The following PCDH15 variants were observed in gnomAD, a reference collection of about 807,000 sequenced individuals.
The protein encoded by PCDH15 is protocadherin related 15.
PCDH15 carries 129 observed loss-of-function variants against 178.5 expected under a neutral mutation model. The ratio of observed to expected loss-of-function variants is 0.72; its 90% CI spans 0.63 to 0.84. The LOEUF (loss-of-function observed/expected upper bound fraction) is 0.84, where lower values mean the gene tolerates loss of function less well. Among genes scored for constraint, PCDH15 ranks in the 40% least tolerant of loss-of-function variants. PCDH15 has a pLI of 0.00. For missense variants in PCDH15, 2,230 were observed against 2,099.9 expected (o/e 1.06, Z -1.21); for synonymous variants, 800 against 732.0 (o/e 1.09, Z -1.50).
intron 2 of PCDH15, among the ~76,000 whole-genome samples, chr10:54,954,709 GCTCTGGT>G (rs1838437193): frequency 6.6e-6 from 1 of 151,096 alleles, no homozygotes; most frequent in Non-Finnish European, 1.5e-5. Flanking sequence ...CCAATTTTTA[GCTCTGGT>G]AGGATTTTAT....
At chr10:54,014,077 GA>G (rs372902964) in intron 20 of PCDH15, among the ~76,000 whole-genome samples, 5 of 151,762 alleles carry the variant, frequency 3.3e-5, no homozygotes, top group African/African-American at 1.2e-4. Context: ...CTGACTGAAT[GA>G]AAAAAGACAT....
chr10:55,149,939 G>A (rs1258775309), intron 2 of PCDH15, among the ~76,000 whole-genome samples: 1 of 151,836 alleles, frequency 6.6e-6, no homozygotes, highest in South Asian at 2.1e-4. Context: ...CTGAAAATTG[G>A]GAGCATTCTC....
rs34155640 is a variant in PCDH15, at chr10:55,253,606, GT to G, written c.-156+65992del. On this transcript the variant is annotated intron_variant, in intron 1 of 5. Transcript: ENST00000458638. ...GTGCATTTTAAGTGAACCATAATAA[GT>G]TTTTTTTTTCTTTTTTGTTCTAGGA... Among the ~76,000 whole-genome samples the G allele has an allele frequency of 9.0e-4, 135 of 150,520 alleles. 2 individuals are homozygous for G. The South Asian group carries it at 0.024, about 26-fold the overall frequency.
intron 2 of PCDH15, among the ~76,000 whole-genome samples, chr10:55,134,417 T>C (rs1838135771): frequency 6.6e-6 from 1 of 152,312 alleles, no homozygotes; most frequent in Admixed American, 6.5e-5. Context: ...TAATATTGAC[T>C]CCTTATTATA....
chr10:53,840,791 T>C (rs1315109505), intron 28 of PCDH15, among the ~76,000 whole-genome samples: 1 of 152,190 alleles, frequency 6.6e-6, no homozygotes, highest in African/African-American at 2.4e-5. Context: ...ATGCCAAATA[T>C]GCTGTACAAA....
At chr10:55,237,849 A>G (rs1841425994) in intron 1 of PCDH15, among the ~76,000 whole-genome samples, 1 of 152,150 alleles carries the variant, frequency 6.6e-6, no homozygotes, top group African/African-American at 2.4e-5. Context: ...ATGGAACATA[A>G]CAACACATTA....
At chr10:54,956,039 A>G (rs1433677318) in intron 2 of PCDH15, among the ~76,000 whole-genome samples, 1 of 151,334 alleles carries the variant, frequency 6.6e-6, no homozygotes, top group African/African-American at 2.4e-5. Flanking sequence ...GAAATGTATG[A>G]AAGTTCAGAA....
chr10:54,534,226 A>C (rs2084242082), intron 2 of PCDH15, among the ~76,000 whole-genome samples: 1 of 152,180 alleles, frequency 6.6e-6, no homozygotes, highest in Admixed American at 6.5e-5. Context: ...TATAGTAAAT[A>C]AACCCTCAGC....
chr10:55,507,185 C>G (rs577759447), intron 2 of PCDH15, among the ~76,000 whole-genome samples: 5 of 151,638 alleles, frequency 3.3e-5, no homozygotes, highest in South Asian at 2.1e-4. Context: ...GAAAAAAGCG[C>G]ATGCAAAGCA....
At chr10:54,659,556 C>G (rs1277330233) in intron 2 of PCDH15, among the ~76,000 whole-genome samples, 1 of 151,754 alleles carries the variant, frequency 6.6e-6, no homozygotes, top group East Asian at 1.9e-4. Context: ...AGTTCAAGAC[C>G]CACAAGGCCA....
chr10:54,262,277 C>G (rs2057367679), intron 8 of PCDH15, among the ~76,000 whole-genome samples: 1 of 152,116 alleles, frequency 6.6e-6, no homozygotes, highest in African/African-American at 2.4e-5. Flanking sequence ...TTCCTGCTAT[C>G]TGCCAGGCTG....
At chr10:54,125,065 T>C (rs1242285931) in intron 15 of PCDH15, among the ~76,000 whole-genome samples, 12 of 152,132 alleles carry the variant, frequency 7.9e-5, no homozygotes, top group Admixed American at 7.9e-4. Flanking sequence ...GAAGAATGGA[T>C]AAAGATTAAA....
At position 55,191,562 on chromosome 10, in the gene PCDH15, C is replaced by G. The variant is rs376912786; in HGVS notation, c.-155-24911G>C. On this transcript the variant is annotated intron_variant, in intron 1 of 5. Transcript: ENST00000458638. ...AATTCAAATCTAGAGGTATGGCTTA[C>G]TCATGTAAAATTATTTAATCTCTTT... 3.4e-4 allele frequency among the ~76,000 whole-genome samples: 52 copies of G among 151,974 alleles called. 1 individual carries two copies. Among genetic ancestry groups the G allele is most frequent in the African/African-American group, 1.3e-3 (52 of 41,460 alleles).
At chr10:54,709,529 C>T (rs1480548872) in intron 1 of PCDH15, among the ~76,000 whole-genome samples, 1 of 146,518 alleles carries the variant, frequency 6.8e-6, no homozygotes, top group African/African-American at 2.5e-5. Context: ...GACAGGGGGT[C>T]TTTAGTATAT....
chr10:53,825,886 T>A (rs1269329310), intron 32 of PCDH15, among the ~76,000 whole-genome samples: 3 of 151,502 alleles, frequency 2.0e-5, no homozygotes, highest in African/African-American at 7.2e-5. Flanking sequence ...CTACAATTGT[T>A]CAAGTAAAAA....
Position 55,179,172 on chromosome 10 carries a change from C to T in PCDH15, c.-155-12521G>A, listed in dbSNP as rs562683446. On this transcript the variant is annotated intron_variant, in intron 1 of 5. Coordinates refer to the PCDH15 transcript ENST00000458638. The stretch of plus-strand genomic sequence containing the variant: ...ATGATGGCTCCCTTTTTACTGGGGA[C>T]CCTTAGATAGGCCTCTGAGAGATAT... Among the ~76,000 whole-genome samples the T allele has an allele frequency of 2.0e-5, 3 of 152,144 alleles. No individual in the cohort carries two copies. The East Asian group carries it at 5.8e-4, about 30-fold the overall frequency.
intron 10 of PCDH15, among the ~76,000 whole-genome samples, chr10:54,199,238 A>G (rs957946382): frequency 2.0e-5 from 3 of 152,116 alleles, no homozygotes; most frequent in African/African-American, 7.2e-5. Context: ...TGCTGACCAG[A>G]TATCTGTCTC....
chr10:54,636,928 G>A (rs2134834853), intron 2 of PCDH15, among the ~76,000 whole-genome samples: 1 of 151,962 alleles, frequency 6.6e-6, no homozygotes, highest in African/African-American at 2.4e-5. Context: ...GCCATATTGA[G>A]ACATACTCAT....
chr10:54,110,525 T>C (rs2094999842), intron 15 of PCDH15, among the ~76,000 whole-genome samples: 1 of 152,184 alleles, frequency 6.6e-6, no homozygotes, highest in Non-Finnish European at 1.5e-5. Context: ...CAGCACACAG[T>C]GGTTAAATTA....
Sources: gnomAD v4.1 joint callset for allele counts (sites outside exome capture counted in the v4.1 genomes callset) on GRCh38, gnomAD v4.1.1 for gene constraint, MANE v1.5 for transcripts, NCBI Gene and HGNC (gene_info 2026-07-23, HGNC 2026-07-21) for gene names.